The following DSCAM variants were observed in gnomAD, a reference collection of about 807,000 sequenced individuals.
DSCAM encodes DS cell adhesion molecule.
In DSCAM, 47 loss-of-function variants were observed where a neutral mutation model predicts 217.7. The ratio of observed to expected loss-of-function variants is 0.22; its 90% confidence interval spans 0.17 to 0.28. The LOEUF (loss-of-function observed/expected upper bound fraction) is 0.28, where lower values mean the gene tolerates loss of function less well. DSCAM is among the 10% of genes least tolerant of loss of function. The pLI is 1.00. For missense variants in DSCAM, 2,080 were observed against 2,618.3 expected, an observed-to-expected ratio of 0.79 and a Z score of 4.49; for synonymous variants, 1,056 against 1,015.3, an observed-to-expected ratio of 1.04 and a Z score of -0.76.
chr21:40,734,289 G>C (rs1601188729), intron 1 of DSCAM, among the ~76,000 whole-genome samples: 1 of 152,246 alleles, frequency 6.6e-6, no homozygotes, highest in East Asian at 1.9e-4. Flanking sequence ...TACAAGAGGA[G>C]AGCAGGAGGA....
chr21:40,012,801 C>G lies in DSCAM; in HGVS notation c.*233G>C. 1 of 325,070 alleles carries G rather than the reference C, an allele frequency of 3.1e-6. No individual in the cohort carries two copies. The highest frequency in any genetic ancestry group is 5.5e-6 in the Non-Finnish European group (1 of 182,202). 20.1% of individuals were successfully genotyped at this position (325,070 alleles called of 1,614,324 possible). On this transcript the variant is annotated 3_prime_UTR_variant, in exon 33 of 33. Coordinates refer to ENST00000400454, the MANE Select transcript of DSCAM (RefSeq NM_001389.5). ...GCAATAGCCTGTGAAGATCATAAAA[C>G]TGGACTTCTTTCCCAAAAAATCAGA... is the stretch of plus-strand genomic sequence containing the variant.
intron 10 of DSCAM, among the ~76,000 whole-genome samples, chr21:40,280,151 C>A (rs868646161): frequency 6.8e-6 from 1 of 148,078 alleles, no homozygotes; most frequent in Middle Eastern, 3.6e-3. Context: ...AACCTTAATT[C>A]ATATGAAAGT....
chr21:40,758,143 C>G (rs559404526), intron 1 of DSCAM, among the ~76,000 whole-genome samples: 77 of 152,260 alleles, frequency 5.1e-4, no homozygotes, highest in African/African-American at 1.8e-3. Context: ...CCAGCAGCCA[C>G]AGAGAGAGGC....
intron 3 of DSCAM, among the ~76,000 whole-genome samples, chr21:40,645,239 T>C (rs928164967): frequency 8.5e-5 from 13 of 152,204 alleles, no homozygotes; most frequent in Admixed American, 2.6e-4. Flanking sequence ...TTCTTGAGCA[T>C]AGAAATAACA....
chr21:40,223,957 C>T (rs182579005), intron 11 of DSCAM, among the ~76,000 whole-genome samples: 1 of 152,236 alleles, frequency 6.6e-6, no homozygotes, highest in Non-Finnish European at 1.5e-5. Flanking sequence ...GCTGTGGGTC[C>T]CTGGGGAATG....
At chr21:40,637,624 C>CTAA (rs1265414818) in intron 3 of DSCAM, among the ~76,000 whole-genome samples, 1 of 33,292 alleles carries the variant, frequency 3.0e-5, no homozygotes, top group East Asian at 8.0e-4. Flanking sequence ...TAAATATATA[C>CTAA]ATATATAAAT....
intron 3 of DSCAM, among the ~76,000 whole-genome samples, chr21:40,381,683 T>A (rs1471024588): frequency 6.6e-6 from 1 of 152,286 alleles, no homozygotes; most frequent in South Asian, 2.1e-4. Flanking sequence ...TGGGAAAGAA[T>A]CTGGAAAAAT....
chr21:40,125,990 C>T (rs181877712), intron 19 of DSCAM, among the ~76,000 whole-genome samples: 66 of 152,328 alleles, frequency 4.3e-4, no homozygotes, highest in African/African-American at 1.4e-3. Flanking sequence ...TTAGCACCAA[C>T]CAGTTGAATG....
Position 40,133,888 on chromosome 21 carries a change from C to T in DSCAM, c.3528G>A (p.Arg1176=), listed in dbSNP as rs758559774. 6.2e-7 allele frequency: 1 copy of T among 1,613,452 alleles called. No individual in the cohort carries two copies. The highest frequency in any genetic ancestry group is 1.1e-5 in the South Asian group (1 of 90,958). Residue 1176 remains arginine (R), a synonymous_variant, in exon 19 of 33, where the codon AGG becomes AGA. Transcript: ENST00000400454. ...TGGTCCGGGTGAAGATCTGCTCACT[C>T]CTGACCCCGTCTCCTGCGCGGGTGA... ...LAFTRAGDGV[R]SEQIFTRTKE... is the part of the protein sequence containing the mutation.
chr21:40,113,566 T>A (rs1279837809), intron 20 of DSCAM, among the ~76,000 whole-genome samples: 2 of 152,018 alleles, frequency 1.3e-5, no homozygotes, highest in East Asian at 1.9e-4. Context: ...GGCCAGGGCA[T>A]TCAGGCAGGA....
chr21:40,691,142 C>T lies in DSCAM; in HGVS notation c.508+1668G>A, dbSNP rs114211866. On this transcript the variant is annotated intron_variant, in intron 3 of 32. Coordinates refer to ENST00000400454, the MANE Select transcript of DSCAM (RefSeq NM_001389.5). ...CAATTTCTCACCCAGATTTCCAGTT[C>T]TCCTCTTCCTTCAGGCACATGCCCC... Among the ~76,000 whole-genome samples, 1,390 of 152,302 alleles carry T rather than the reference C, an allele frequency of 9.1e-3. 22 individuals are homozygous for T. Among genetic ancestry groups the T allele is most frequent in the African/African-American group, 0.032 (1,313 of 41,542 alleles).
At position 40,586,512 on chromosome 21, in the gene DSCAM, C is replaced by T. The variant is rs562562406; in HGVS notation, c.508+106298G>A. Among the ~76,000 whole-genome samples, 12 of 152,282 alleles carry T rather than the reference C, an allele frequency of 7.9e-5. No homozygotes were observed. In the East Asian group the frequency reaches 1.9e-3, roughly 24 times the overall value. On this transcript the variant is annotated intron_variant, in intron 3 of 32. Transcript: ENST00000400454. ...GAAGGAGAAGGATGTTTCAGCCCAG[C>T]GCTCCTCAAACTTCATTTGCATAAT...
intron 10 of DSCAM, among the ~76,000 whole-genome samples, chr21:40,283,222 T>C (rs2073786253): frequency 1.3e-5 from 2 of 152,202 alleles, no homozygotes; most frequent in African/African-American, 4.8e-5. Flanking sequence ...AGCATCAATA[T>C]GTAAAATCCT....
chr21:40,730,035 A>T (rs2090997034), intron 1 of DSCAM, among the ~76,000 whole-genome samples: 1 of 152,210 alleles, frequency 6.6e-6, no homozygotes, highest in African/African-American at 2.4e-5. Context: ...GCAACTAGAC[A>T]TACCATTAAT....
intron 3 of DSCAM, among the ~76,000 whole-genome samples, chr21:40,595,508 G>A (rs888116461): frequency 1.3e-5 from 2 of 151,308 alleles, no homozygotes; most frequent in Non-Finnish European, 2.9e-5. Flanking sequence ...ATCTCTATTC[G>A]AAGGTGTGCA....
intron 3 of DSCAM, among the ~76,000 whole-genome samples, chr21:40,529,668 C>G (rs2076427484): frequency 6.6e-6 from 1 of 152,102 alleles, no homozygotes; most frequent in Admixed American, 6.6e-5. Flanking sequence ...GTATTTTTAG[C>G]TCTTTCCATA....
At chr21:40,227,523 C>G (rs1031504054) in intron 11 of DSCAM, among the ~76,000 whole-genome samples, 14 of 152,156 alleles carry the variant, frequency 9.2e-5, no homozygotes, top group Non-Finnish European at 1.6e-4. Context: ...TCAAGTTCTT[C>G]CCATGATATT....
At chr21:40,295,127 C>T (rs1402068136) in intron 10 of DSCAM, among the ~76,000 whole-genome samples, 1 of 151,380 alleles carries the variant, frequency 6.6e-6, no homozygotes, top group Admixed American at 6.6e-5. Context: ...ATTAAGTCAA[C>T]ACAAATACAA....
At chr21:40,627,807 C>G (rs746638324) in intron 3 of DSCAM, among the ~76,000 whole-genome samples, 1 of 152,176 alleles carries the variant, frequency 6.6e-6, no homozygotes, top group Non-Finnish European at 1.5e-5. Context: ...GAAATCGAAC[C>G]ATTATTTGGA....
Sources: allele counts gnomAD v4.1 joint callset (sites outside exome capture counted in the v4.1 genomes callset), GRCh38; gene constraint gnomAD v4.1.1; transcripts MANE v1.5; gene names NCBI Gene and HGNC (gene_info 2026-07-23, HGNC 2026-07-21).